The following PCDHGA8 variants were observed in gnomAD, a reference collection of about 807,000 sequenced individuals.
PCDHGA8 encodes protocadherin gamma-A8.
A neutral mutation model predicts 59.2 loss-of-function variants in PCDHGA8; 45 were observed. That is an observed-to-expected ratio of 0.76 (90% CI 0.60 to 0.98). The LOEUF (loss-of-function observed/expected upper bound fraction) is 0.98, where lower values mean the gene tolerates loss of function less well. PCDHGA8 is among the 50% of genes least tolerant of loss of function. The pLI, the probability that PCDHGA8 is intolerant of heterozygous loss-of-function variation, is 0.00. For missense variants in PCDHGA8, 1,257 were observed against 1,196.2 expected (o/e 1.05, Z -0.75); for synonymous variants, 531 against 519.0 (o/e 1.02, Z -0.32).
intron 1 of PCDHGA8, among the ~76,000 whole-genome samples, chr5:141,462,399 T>C (rs2099038838): frequency 6.6e-6 from 1 of 152,236 alleles, no homozygotes; most frequent in South Asian, 2.1e-4. Flanking sequence ...ATTTCTTTTA[T>C]GGCACAGAAT....
intron 1 of PCDHGA8, chr5:141,404,736 A>T: frequency 6.2e-7 from 1 of 1,613,622 alleles, no homozygotes. Context: ...GTGGCAGTGG[A>T]CAGAGACTCA....
chr5:141,492,492 G>A (rs896538392), intron 1 of PCDHGA8, among the ~76,000 whole-genome samples: 2 of 152,206 alleles, frequency 1.3e-5, no homozygotes, highest in African/African-American at 2.4e-5. Context: ...AGGACCAGGC[G>A]AGGACTCCGG....
At chr5:141,445,339 A>G (rs1450773291) in intron 1 of PCDHGA8, among the ~76,000 whole-genome samples, 1 of 152,152 alleles carries the variant, frequency 6.6e-6, no homozygotes, top group Non-Finnish European at 1.5e-5. Context: ...GAAACAGTAA[A>G]CATTGGTGTC....
In PCDHGA8 at chr5:141,490,751, C is replaced by T. The variant is rs2099703884; in HGVS notation, c.2425-4056C>T. 6.2e-6 allele frequency: 10 copies of T among 1,614,092 alleles called. No individual in the cohort carries two copies. The highest frequency in any genetic ancestry group is 1.7e-5 in the Admixed American group (1 of 60,012). ...AATCAGGTTCAGGGAGCCCCAGCCT[C>T]CTCCTTTGTGTATGTCAACCCAGAG... On this transcript the variant is annotated intron_variant, in intron 1 of 3. Coordinates refer to ENST00000398604, the MANE Select transcript of PCDHGA8 (RefSeq NM_032088.2). This position sits in a 1 kb window ranked among gnomAD's most constrained non-coding sequence, Gnocchi z 5.4.
intron 1 of PCDHGA8, chr5:141,428,207 T>G (rs1213295979): frequency 7.6e-7 from 1 of 1,308,340 alleles, no homozygotes; most frequent in African/African-American, 1.4e-5. Context: ...GCCGCTACGC[T>G]TCACCTAGTC....
At position 141,393,532 on chromosome 5, in the gene PCDHGA8, C is replaced by G. The variant is rs1411410420; in HGVS notation, c.719C>G (p.Pro240Arg). 1.4e-5 allele frequency: 23 copies of G among 1,613,886 alleles called. No homozygotes were observed. Among genetic ancestry groups the G allele is most frequent in the Non-Finnish European group, 1.9e-5 (23 of 1,179,916 alleles). Residue 240 changes from proline (P) to arginine (R), a missense_variant, in exon 1 of 4, where the codon CCG becomes CGG. Transcript: ENST00000398604. Reference protein sequence around the residue: ...VTVLDTNDNAPVFPHPIYRVK... With the variant: ...VTVLDTNDNARVFPHPIYRVK... The stretch of plus-strand genomic sequence containing the variant: ...GTGTTGGATACAAATGACAATGCCC[C>G]GGTTTTTCCTCACCCGATTTACCGA...
chr5:141,460,614 G>A (rs10058360), intron 1 of PCDHGA8, among the ~76,000 whole-genome samples: 42,418 of 151,914 alleles, frequency 0.28, 6,648 homozygotes, highest in African/African-American at 0.43. Flanking sequence ...TAGATGGATA[G>A]ATAGACAGAT....
chr5:141,465,629 C>A (rs1048373153), intron 1 of PCDHGA8, among the ~76,000 whole-genome samples: 1 of 152,204 alleles, frequency 6.6e-6, no homozygotes, highest in Non-Finnish European at 1.5e-5. Flanking sequence ...AGTCAACCAG[C>A]AAAATGCTTT....
intron 1 of PCDHGA8, chr5:141,421,791 TG>T (rs1561796446): frequency 6.2e-7 from 1 of 1,613,792 alleles, no homozygotes; most frequent in Non-Finnish European, 8.5e-7. Flanking sequence ...GCAGAACGGA[TG>T]GGGCCAAGAA....
rs1350353768 is a variant in PCDHGA8, at chr5:141,476,524, T to A, written c.2425-18283T>A. Reference sequence around the variant, plus strand: ...TCAACGACAACAATCCTGCTTTCCCTACCCAGGAAATGAAATTGGAGATTA... The same window carrying A: ...TCAACGACAACAATCCTGCTTTCCCAACCCAGGAAATGAAATTGGAGATTA... On this transcript the variant is annotated intron_variant, in intron 1 of 3. Coordinates refer to ENST00000398604, the MANE Select transcript of PCDHGA8 (RefSeq NM_032088.2). The surrounding 1 kb of genome is among the most constrained non-coding windows in gnomAD (Gnocchi z 7.6). The A allele has an allele frequency of 1.2e-5, 20 of 1,614,064 alleles. No homozygotes were observed. The highest frequency in any genetic ancestry group is 1.7e-5 in the Non-Finnish European group (20 of 1,180,036).
chr5:141,491,648 T>C lies in PCDHGA8; in HGVS notation c.2425-3159T>C. ...GTTCAGCAGCCCACAGCTCTGGCGC[T>C]GGAGCCTGACGCCATCCGGTCCCGC... On this transcript the variant is annotated intron_variant, in intron 1 of 3. Transcript: ENST00000398604. The surrounding 1 kb of genome is among the most constrained non-coding windows in gnomAD (Gnocchi z 6.9). 2 of 1,613,834 alleles carry C rather than the reference T, an allele frequency of 1.2e-6. No individual in the cohort carries two copies. Among genetic ancestry groups the C allele is most frequent in the South Asian group, 1.1e-5 (1 of 91,082 alleles).
chr5:141,418,707 G>T (rs2096282239), intron 1 of PCDHGA8: 1 of 1,614,016 alleles, frequency 6.2e-7, no homozygotes, highest in Non-Finnish European at 8.5e-7. Context: ...TCCTTCTTTG[G>T]TGTGGCTGAC....
rs747179611 is a variant in PCDHGA8 at position 141,476,473 on chromosome 5, C to T, written c.2425-18334C>T. ...TAGTGGAGAACCCGCTGGAGCTGTT[C>T]AGCGTGGAAGTGGTGATCCAGGACA... On this transcript the variant is annotated intron_variant, in intron 1 of 3. Coordinates refer to ENST00000398604, the MANE Select transcript of PCDHGA8 (RefSeq NM_032088.2). The surrounding 1 kb of genome is among the most constrained non-coding windows in gnomAD (Gnocchi z 7.6). 3.1e-6 allele frequency: 5 copies of T among 1,613,888 alleles called. No homozygotes were observed. The highest frequency in any genetic ancestry group is 3.3e-5 in the Admixed American group (2 of 59,984).
chr5:141,395,809 A>T (rs1448942836), intron 1 of PCDHGA8: 1 of 152,108 alleles, frequency 6.6e-6, no homozygotes, highest in Non-Finnish European at 1.5e-5. Flanking sequence ...CCTTCAAAAC[A>T]TGAACAAACT....
chr5:141,468,814 C>G (rs2099180978), intron 1 of PCDHGA8, among the ~76,000 whole-genome samples: 1 of 151,814 alleles, frequency 6.6e-6, no homozygotes, highest in African/African-American at 2.4e-5. Context: ...TGCAGTGAGC[C>G]AAGATCAAGC....
intron 1 of PCDHGA8, among the ~76,000 whole-genome samples, chr5:141,435,568 A>C (rs564789030): frequency 8.7e-4 from 132 of 152,274 alleles, no homozygotes; most frequent in Middle Eastern, 6.8e-3. Context: ...TTTTTTTAGT[A>C]CTGGGGCAAA....
At chr5:141,424,577 A>T (rs958508704) in intron 1 of PCDHGA8, 1 of 152,206 alleles carries the variant, frequency 6.6e-6, no homozygotes, top group Non-Finnish European at 1.5e-5. Context: ...ACCTATTTTC[A>T]AATGTGCTAA....
At chr5:141,441,948 G>A in intron 1 of PCDHGA8, 1 of 332,472 alleles carries the variant, frequency 3.0e-6, no homozygotes, top group Non-Finnish European at 5.8e-6. Flanking sequence ...ACGTGCTGCA[G>A]GCCAGCAAGC....
At chr5:141,403,261 G>A in intron 1 of PCDHGA8, 1 of 1,613,852 alleles carries the variant, frequency 6.2e-7, no homozygotes, top group East Asian at 2.2e-5. Flanking sequence ...CGCGGTGTCT[G>A]GTGAACTTTA....
Sources: allele counts gnomAD v4.1 joint callset (sites outside exome capture counted in the v4.1 genomes callset), GRCh38; gene constraint gnomAD v4.1.1; non-coding constraint Gnocchi (gnomAD v3.1); transcripts MANE v1.5; gene names NCBI Gene and HGNC (gene_info 2026-07-23, HGNC 2026-07-21).